The following RGS6 variants were observed in gnomAD, a reference collection of about 807,000 sequenced individuals.
RGS6 encodes regulator of G-protein signaling 6.
RGS6 carries 30 observed loss-of-function variants against 78.5 expected under a neutral mutation model. The ratio of observed to expected loss-of-function variants is 0.38; its 90% CI spans 0.29 to 0.52. The LOEUF (loss-of-function observed/expected upper bound fraction) is 0.52. RGS6 is among the 20% of genes least tolerant of loss of function. RGS6 has a pLI of 0.85. For synonymous variants in RGS6, 206 were observed against 206.0 expected, an observed-to-expected ratio of 1.00 and a Z score of 0.00; for missense variants, 495 against 609.7, an observed-to-expected ratio of 0.81 and a Z score of 1.98.
upstream of RGS6, among the ~76,000 whole-genome samples, chr14:71,931,371 G>A (rs1291340139): frequency 1.3e-5 from 2 of 151,866 alleles, no homozygotes; most frequent in Non-Finnish European, 2.9e-5. Flanking sequence ...CATTTCTAAT[G>A]TTAGAAGAGG....
the RGS6 span, among the ~76,000 whole-genome samples, chr14:72,580,941 A>C: frequency 2.0e-5 from 3 of 152,222 alleles, no homozygotes; most frequent in East Asian, 5.8e-4. Context: ...CAGGGTCCAG[A>C]GTCCCTGCAA....
At chr14:71,933,396 C>G (rs747279611) in intron 1 of RGS6, 19 of 142,822 alleles carry the variant, frequency 1.3e-4, no homozygotes, top group Non-Finnish European at 2.6e-4. Flanking sequence ...AGCGAGTCTC[C>G]GCGGTGAGGT....
chr14:71,983,112 C>G (rs1002592620), intron 2 of RGS6, among the ~76,000 whole-genome samples: 14 of 152,288 alleles, frequency 9.2e-5, no homozygotes, highest in Non-Finnish European at 1.6e-4. Context: ...GGATTCAGGG[C>G]TAATGGCCAG....
chr14:72,368,926 G>A (rs1046718136), intron 3 of RGS6, among the ~76,000 whole-genome samples: 4 of 152,144 alleles, frequency 2.6e-5, no homozygotes, highest in African/African-American at 9.7e-5. Flanking sequence ...CATATGGGTA[G>A]GTTATTCTAG....
chr14:72,508,699 A>G (rs2096842322), intron 13 of RGS6, among the ~76,000 whole-genome samples: 1 of 147,310 alleles, frequency 6.8e-6, no homozygotes, highest in Non-Finnish European at 1.5e-5. Context: ...ATATGCATCT[A>G]TTTTTTAAAA....
Position 71,981,514 on chromosome 14 carries a change from C to T in RGS6, c.84+16639C>T, listed in dbSNP as rs183649478. On this transcript the variant is annotated intron_variant, in intron 2 of 17. Coordinates refer to ENST00000553525, the MANE Select transcript of RGS6 (RefSeq NM_001204424.2). ...TCAGCTGCAGGTCTGTTGGAATACC[C>T]GGCCGTGTGAGGTGTCAGTGTGCCC... Among the ~76,000 whole-genome samples, 39 of 151,452 alleles carry T rather than the reference C, an allele frequency of 2.6e-4. No homozygotes were observed. The South Asian group carries it at 3.8e-3, about 15-fold the overall frequency.
At chr14:72,317,683 T>C (rs1051323826) in intron 2 of RGS6, among the ~76,000 whole-genome samples, 1 of 152,186 alleles carries the variant, frequency 6.6e-6, no homozygotes, top group Non-Finnish European at 1.5e-5. Flanking sequence ...ACCGAGTCTG[T>C]TATAAGCTTT....
chr14:71,960,344 T>C (rs1341501421), intron 1 of RGS6, among the ~76,000 whole-genome samples: 1 of 152,196 alleles, frequency 6.6e-6, no homozygotes, highest in African/African-American at 2.4e-5. Flanking sequence ...TCAATAAACC[T>C]TGGGGAAAAT....
chr14:72,166,607 T>C (rs1199672486), intron 2 of RGS6, among the ~76,000 whole-genome samples: 1 of 152,158 alleles, frequency 6.6e-6, no homozygotes, highest in Non-Finnish European at 1.5e-5. Flanking sequence ...AGACCAAGGA[T>C]GGAGGGAGGT....
chr14:72,555,653 C>T (rs1024588607), intron 17 of RGS6, among the ~76,000 whole-genome samples: 7 of 152,168 alleles, frequency 4.6e-5, no homozygotes, highest in Non-Finnish European at 7.3e-5. Flanking sequence ...TCGTGAAGGC[C>T]GACCAACTCA....
intron 2 of RGS6, among the ~76,000 whole-genome samples, chr14:72,294,012 G>A (rs755102125): frequency 3.9e-5 from 6 of 152,174 alleles, no homozygotes; most frequent in Non-Finnish European, 8.8e-5. Flanking sequence ...GCTGTGTCCT[G>A]TGTGACAGTG....
intron 2 of RGS6, among the ~76,000 whole-genome samples, chr14:72,194,043 AG>A (rs1470702892): frequency 1.3e-5 from 2 of 152,176 alleles, no homozygotes; most frequent in East Asian, 3.9e-4. Flanking sequence ...GCTAGTCAGG[AG>A]TAGGGCAGAG....
intron 3 of RGS6, among the ~76,000 whole-genome samples, chr14:72,444,673 A>G (rs2095312791): frequency 1.1e-5 from 1 of 86,968 alleles, no homozygotes; most frequent in South Asian, 4.1e-4. Flanking sequence ...AGCTACAGCT[A>G]AGTCCTTCGC....
the RGS6 span, among the ~76,000 whole-genome samples, chr14:71,883,545 G>T: frequency 2.0e-5 from 3 of 152,300 alleles, no homozygotes; most frequent in South Asian, 6.2e-4. Context: ...TTGAGTAGGG[G>T]CTGTGTACTA....
intron 2 of RGS6, among the ~76,000 whole-genome samples, chr14:72,069,601 G>A (rs905618563): frequency 2.0e-5 from 3 of 152,038 alleles, no homozygotes; most frequent in Non-Finnish European, 4.4e-5. Flanking sequence ...GTGCAGTGGT[G>A]CAGTCACAAT....
chr14:72,481,053 G>T lies in RGS6; in HGVS notation c.854+2724G>T, dbSNP rs372095971. The stretch of plus-strand genomic sequence containing the variant: ...GCAGAACAGACAGTTTAGGGGATGG[G>T]TCTGAAACCGACCATCGAGGTTTGA... On this transcript the variant is annotated intron_variant, in intron 12 of 17. Coordinates refer to ENST00000553525, the MANE Select transcript of RGS6 (RefSeq NM_001204424.2). Among the ~76,000 whole-genome samples the T allele has an allele frequency of 2.6e-5, 4 of 152,158 alleles. No individual in the cohort carries two copies. The East Asian group carries it at 5.8e-4, about 22-fold the overall frequency.
intron 2 of RGS6, among the ~76,000 whole-genome samples, chr14:72,021,439 TTTTTTTC>T: frequency 1.3e-5 from 2 of 151,878 alleles, no homozygotes; most frequent in Middle Eastern, 6.8e-3. Flanking sequence ...TACAATATGT[TTTTTTTC>T]TTTTTTCCTT....
intron 2 of RGS6, among the ~76,000 whole-genome samples, chr14:72,327,482 T>G (rs1363343406): frequency 6.6e-6 from 1 of 152,264 alleles, no homozygotes; most frequent in Non-Finnish European, 1.5e-5. Context: ...TGCTGTGTTT[T>G]TAATTTTCTT....
intron 17 of RGS6, among the ~76,000 whole-genome samples, chr14:72,560,797 C>CGTGTGTGTGTGTGTGT (rs57504072): frequency 9.1e-4 from 129 of 141,320 alleles, no homozygotes; most frequent in South Asian, 1.9e-3. Context: ...ATTTTGTGGA[C>CGTGTGTGTGTGTGTGT]GTGTGTGTGT....
Sources: allele counts gnomAD v4.1 joint callset (sites outside exome capture counted in the v4.1 genomes callset), GRCh38; gene constraint gnomAD v4.1.1; transcripts MANE v1.5; gene names NCBI Gene and HGNC (gene_info 2026-07-23, HGNC 2026-07-21).